The following RAP1B variants were observed in gnomAD, a reference collection of about 807,000 sequenced individuals.
RAP1B encodes the protein ras-related protein Rap-1b.
A neutral mutation model predicts 27.5 loss-of-function variants in RAP1B; 1 was observed. That is an observed-to-expected ratio of 0.04 (90% CI 0.01 to 0.17). The LOEUF (loss-of-function observed/expected upper bound fraction) is 0.17. Among genes scored for constraint, RAP1B ranks in the 10% least tolerant of loss-of-function variants. The probability of loss-of-function intolerance (pLI) is 1.00; values close to 1 mark genes in which losing one functional copy is unlikely to be tolerated. For synonymous variants in RAP1B, 75 were observed against 73.1 expected, an observed-to-expected ratio of 1.03 and a Z score of -0.13; for missense variants, 84 against 214.8, an observed-to-expected ratio of 0.39 and a Z score of 3.81.
intron 7 of RAP1B, among the ~76,000 whole-genome samples, chr12:68,657,893 G>T (rs1156570662): frequency 1.3e-5 from 2 of 149,958 alleles, no homozygotes; most frequent in African/African-American, 4.9e-5. Flanking sequence ...ACACACCCCT[G>T]ACATGTTCAT....
In RAP1B at chr12:68,663,523, A is replaced by G. The variant is rs1202991611; in HGVS notation, c.*4274A>G. 4 of 152,228 alleles carry G rather than the reference A, an allele frequency of 2.6e-5. No homozygotes were observed. Among genetic ancestry groups the G allele is most frequent in the African/African-American group, 9.6e-5 (4 of 41,458 alleles). 9.4% of individuals were successfully genotyped at this position (152,228 alleles called of 1,614,324 possible). On this transcript the variant is annotated 3_prime_UTR_variant, in exon 8 of 8. Coordinates refer to ENST00000250559, the MANE Select transcript of RAP1B (RefSeq NM_001010942.3). ...AGACTACTAAACAGATTAATCAACT[A>G]ATTCCATAGGCTTGACATTAGTTTA...
chr12:68,662,034 T>TATATATATATATATAAA lies in RAP1B; in HGVS notation c.*2792_*2793insTATATATAAAATATATA, dbSNP rs1565677504. On this transcript the variant is annotated 3_prime_UTR_variant, in exon 8 of 8. Coordinates refer to ENST00000250559, the MANE Select transcript of RAP1B (RefSeq NM_001010942.3). ...TATATATATATATATATATATATATTATATATAGTACATATATAGAGAGAG... is the reference window on the plus strand; with the variant it reads ...TATATATATATATATATATATATATTATATATATATATATAAAATATATAGTACATATATAGAGAGAG... The TATATATATATATATAAA allele has an allele frequency of 2.3e-5, 3 of 127,800 alleles. No individual in the cohort carries two copies. Among genetic ancestry groups the TATATATATATATATAAA allele is most frequent in the African/African-American group, 8.3e-5 (3 of 36,180 alleles). The allele number at this position is 127,800 out of a possible 1,614,324, so 7.9% of individuals were successfully genotyped here.
chr12:68,633,983 A>G (rs1032559237), intron 1 of RAP1B, among the ~76,000 whole-genome samples: 2 of 152,216 alleles, frequency 1.3e-5, no homozygotes, highest in African/African-American at 4.8e-5. Flanking sequence ...AAGAAATAAT[A>G]AGGCCCAGTA....
intron 3 of RAP1B, chr12:68,651,678 G>A (rs1226869689): frequency 3.7e-6 from 1 of 266,674 alleles, no homozygotes; most frequent in Non-Finnish European, 7.3e-6. Context: ...GGTTTTGTTT[G>A]TTTATTTGAG....
At chr12:68,644,940 C>G (rs1475445493) in intron 1 of RAP1B, among the ~76,000 whole-genome samples, 1 of 152,026 alleles carries the variant, frequency 6.6e-6, no homozygotes, top group African/African-American at 2.4e-5. Context: ...GTCCAGTGAT[C>G]CAACCGCCTC....
At chr12:68,613,240 A>G (rs1047098123) in intron 1 of RAP1B, among the ~76,000 whole-genome samples, 1 of 151,982 alleles carries the variant, frequency 6.6e-6, no homozygotes, top group African/African-American at 2.4e-5. Flanking sequence ...CGCGCCTGCA[A>G]TCCCAGCTAT....
intron 6 of RAP1B, 54 bp from the exon 7 acceptor site, chr12:68,657,047 T>C (rs1416721331): frequency 4.3e-6 from 6 of 1,393,436 alleles, no homozygotes; most frequent in South Asian, 2.4e-5. Context: ...ACTTTTTTCA[T>C]TGGGGGGGAT....
chr12:68,648,816 C>G lies in RAP1B; in HGVS notation c.57+35C>G, dbSNP rs780145302. 5 of 1,553,794 alleles carry G rather than the reference C, an allele frequency of 3.2e-6. No homozygotes were observed. The South Asian group carries it at 3.6e-5, about 11-fold the overall frequency. On this transcript the variant is annotated intron_variant, in intron 2 of 7. Coordinates refer to ENST00000250559, the MANE Select transcript of RAP1B (RefSeq NM_001010942.3). ...TCTTACTTTACCTAAGCCTTTCACT[C>G]CAAGACGTTCTTTTTCTGTTGAGTT... is the stretch of plus-strand genomic sequence containing the variant.
chr12:68,637,777 T>A (rs908244182), intron 1 of RAP1B, among the ~76,000 whole-genome samples: 1 of 152,090 alleles, frequency 6.6e-6, no homozygotes, highest in South Asian at 2.1e-4. Context: ...AAAAACTGAG[T>A]TTGGGCCTCA....
chr12:68,628,166 C>T (rs1349589403), intron 1 of RAP1B, among the ~76,000 whole-genome samples: 1 of 152,106 alleles, frequency 6.6e-6, no homozygotes, highest in African/African-American at 2.4e-5. Flanking sequence ...GCAGCTAGGG[C>T]ACAAGTACTT....
rs1212936998 is a variant in RAP1B at position 68,663,748 on chromosome 12, C to T, written c.*4499C>T. 6.6e-6 allele frequency: 1 copy of T among 152,148 alleles called. No individual in the cohort carries two copies. The highest frequency in any genetic ancestry group is 2.4e-5 in the African/African-American group (1 of 41,436). 9.4% of individuals were successfully genotyped at this position (152,148 alleles called of 1,614,324 possible). On this transcript the variant is annotated 3_prime_UTR_variant, in exon 8 of 8. Transcript: ENST00000250559. ...AGGCATATCTACCTGATTTTTGTATCTGAGAATCAATAAATGCATTCAGTA... is the reference window on the plus strand; with the variant it reads ...AGGCATATCTACCTGATTTTTGTATTTGAGAATCAATAAATGCATTCAGTA...
At chr12:68,614,756 C>T (rs1469078480) in intron 1 of RAP1B, among the ~76,000 whole-genome samples, 1 of 152,130 alleles carries the variant, frequency 6.6e-6, no homozygotes, top group African/African-American at 2.4e-5. Context: ...TTAGTTCAGC[C>T]ATCTGTAAAC....
chr12:68,612,742 CAG>C (rs753154235), intron 1 of RAP1B, among the ~76,000 whole-genome samples: 3 of 152,204 alleles, frequency 2.0e-5, no homozygotes, highest in Non-Finnish European at 2.9e-5. Flanking sequence ...TTTAAGCACA[CAG>C]AGCCTGAATG....
intron 1 of RAP1B, among the ~76,000 whole-genome samples, chr12:68,645,343 A>C (rs1294687337): frequency 6.6e-6 from 1 of 152,258 alleles, no homozygotes; most frequent in East Asian, 1.9e-4. Context: ...TGCTGTCAAA[A>C]TTGTCCCCCC....
At chr12:68,612,160 C>A (rs893842939) in intron 1 of RAP1B, among the ~76,000 whole-genome samples, 2 of 152,094 alleles carry the variant, frequency 1.3e-5, no homozygotes, top group African/African-American at 4.8e-5. Context: ...AAAATTAATT[C>A]CGTCTAATTG....
At chr12:68,613,982 A>G (rs1360083654) in intron 1 of RAP1B, among the ~76,000 whole-genome samples, 2 of 152,248 alleles carry the variant, frequency 1.3e-5, no homozygotes, top group African/African-American at 2.4e-5. Context: ...TAAGGAGGGT[A>G]TAGCAAAGAA....
chr12:68,621,219 A>G (rs1015171857), intron 1 of RAP1B, among the ~76,000 whole-genome samples: 1 of 152,158 alleles, frequency 6.6e-6, no homozygotes, highest in African/African-American at 2.4e-5. Flanking sequence ...GAGCAAGGGA[A>G]TTTAACAGGA....
rs755106592 is a variant in RAP1B at position 68,652,021 on chromosome 12, T to C, written c.153T>C (p.Cys51=). ...AAGTTGAAGTAGATGCACAACAGTG[T>C]ATGCTTGAAATCTTGGATACTGCAG... The part of the protein sequence containing the change: ...RKQVEVDAQQ[C]MLEILDTAGT... Residue 51 remains cysteine, a synonymous_variant, in exon 4 of 8, where the codon TGT becomes TGC. Transcript: ENST00000250559. The C allele has an allele frequency of 2.5e-6, 4 of 1,613,326 alleles. 1 individual carries two copies. The highest frequency in any genetic ancestry group is 2.2e-5 in the South Asian group (2 of 91,050).
At chr12:68,629,013 A>G (rs368870190) in intron 1 of RAP1B, among the ~76,000 whole-genome samples, 3 of 151,702 alleles carry the variant, frequency 2.0e-5, no homozygotes, top group South Asian at 4.2e-4. Flanking sequence ...TTTATCTTCT[A>G]TCTGTCTGTC....
Sources: allele counts gnomAD v4.1 joint callset (sites outside exome capture counted in the v4.1 genomes callset), GRCh38; gene constraint gnomAD v4.1.1; transcripts MANE v1.5; gene names NCBI Gene and HGNC (gene_info 2026-07-23, HGNC 2026-07-21).